The following EIF3CL variants were observed in gnomAD, a reference collection of about 807,000 sequenced individuals.
EIF3CL encodes eukaryotic translation initiation factor 3 subunit C like, also known as eukaryotic translation initiation factor 3 subunit C-like protein.
For missense variants in EIF3CL, 5 were observed against 56.1 expected (o/e 0.09, Z 2.91); for synonymous variants, 2 against 19.6 (o/e 0.10, Z 2.37).
chr16:28,412,225 G>T, the EIF3CL span, among the ~76,000 whole-genome samples: 1 of 4,970 alleles, frequency 2.0e-4, no homozygotes, highest in Non-Finnish European at 3.3e-4. Flanking sequence ...GTATAATAAT[G>T]ATATTTATAT....
At chr16:28,417,303 C>T in the EIF3CL span, among the ~76,000 whole-genome samples, 9 of 148,238 alleles carry the variant, frequency 6.1e-5, no homozygotes, top group Non-Finnish European at 7.5e-5. Flanking sequence ...GCCACCACCC[C>T]GTCTGGGAGG....
upstream of EIF3CL, among the ~76,000 whole-genome samples, chr16:28,408,204 C>CAAAAAAAAAA (rs1224629208): frequency 6.3e-5 from 3 of 47,860 alleles, no homozygotes; most frequent in African/African-American, 9.0e-5. Context: ...ACCTTGTCGC[C>CAAAAAAAAAA]AAAAAAAAAA....
the EIF3CL span, among the ~76,000 whole-genome samples, chr16:28,426,083 A>G: frequency 9.6e-6 from 1 of 104,226 alleles, no homozygotes; most frequent in Non-Finnish European, 2.0e-5. Context: ...CTCTGTCTCA[A>G]CACACACACA....
At chr16:28,418,037 C>G in the EIF3CL span, among the ~76,000 whole-genome samples, 1 of 144,696 alleles carries the variant, frequency 6.9e-6, no homozygotes, top group East Asian at 2.0e-4. Context: ...GAGTGAGACT[C>G]TGTCTCAAAA....
rs34279997 is a variant in EIF3CL, at chr16:28,403,020, TA to T, written c.101+497del. 9.6e-4 allele frequency among the ~76,000 whole-genome samples: 112 copies of T among 116,446 alleles called. 1 individual carries two copies. Among genetic ancestry groups the T allele is most frequent in the East Asian group, 2.9e-3 (10 of 3,404 alleles). The allele number at this position is 116,446 out of a possible 152,430, so 76.4% of individuals were successfully genotyped here. A position where few individuals can be genotyped will look rare whatever the true frequency, so the allele number is the denominator to read the frequency against. Reference sequence around the variant, plus strand: ...AAAACCATTCTATTGTTCCAAAGGGTAAAAAAAAAAAAATTAATGTACAGAA... The same window carrying T: ...AAAACCATTCTATTGTTCCAAAGGGTAAAAAAAAAAAATTAATGTACAGAA... On this transcript the variant is annotated intron_variant, in intron 2 of 20. Transcript: ENST00000380876.
intron 13 of EIF3CL, among the ~76,000 whole-genome samples, chr16:28,389,682 ATT>A (rs1222664801): frequency 1.7e-3 from 1 of 598 alleles, no homozygotes; most frequent in Admixed American, 0.018. Context: ...ACCACGCCTA[ATT>A]TTTTTTGTGT....
the EIF3CL span, among the ~76,000 whole-genome samples, chr16:28,416,133 C>T: frequency 6.9e-5 from 1 of 14,554 alleles, no homozygotes; most frequent in African/African-American, 3.3e-4. Flanking sequence ...CAGACGGAGT[C>T]TCGTTCACTC....
chr16:28,415,807 T>G, the EIF3CL span, among the ~76,000 whole-genome samples: 2 of 78,828 alleles, frequency 2.5e-5, 1 homozygote, highest in African/African-American at 7.5e-5. Flanking sequence ...TCCCTCTCCC[T>G]CTCCCTCTTC....
At chr16:28,418,943 T>C in the EIF3CL span, among the ~76,000 whole-genome samples, 2 of 147,912 alleles carry the variant, frequency 1.4e-5, no homozygotes, top group Admixed American at 6.8e-5. Context: ...TGCAAGTCTT[T>C]GAGGGTGGCA....
At chr16:28,414,835 G>A in the EIF3CL span, 12 of 495,704 alleles carry the variant, frequency 2.4e-5, no homozygotes, top group Middle Eastern at 6.7e-4. Context: ...GCTTCAATGC[G>A]AAGGACGCGC....
At chr16:28,416,699 C>G in the EIF3CL span, among the ~76,000 whole-genome samples, 1 of 121,000 alleles carries the variant, frequency 8.3e-6, no homozygotes, top group Non-Finnish European at 1.8e-5. Context: ...GCAGCCACCC[C>G]ATCTGGGAAG....
rs533308571 is a variant in EIF3CL, at chr16:28,385,473, C to G, written c.1822-1992G>C. 3.9e-3 allele frequency among the ~76,000 whole-genome samples: 450 copies of G among 114,956 alleles called. 80 individuals carry two copies. The highest frequency in any genetic ancestry group is 0.013 in the African/African-American group (434 of 33,308). The allele number at this position is 114,956 out of a possible 152,430, so 75.4% of individuals were successfully genotyped here. On this transcript the variant is annotated intron_variant, in intron 15 of 20. Coordinates refer to ENST00000380876, the MANE Select transcript of EIF3CL (RefSeq NM_001317857.2). ...CCTCCTGAGTAGGTGGGACTACAGG[C>G]GTGCACCACTATGCCTGACTAGTTT...
intron 2 of EIF3CL, among the ~76,000 whole-genome samples, chr16:28,403,004 C>A (rs1165537781): frequency 9.5e-6 from 1 of 105,374 alleles, no homozygotes; most frequent in Non-Finnish European, 2.2e-5. Flanking sequence ...AAAAACCATT[C>A]TATTGTTCCA....
chr16:28,414,363 A>T, the EIF3CL span: 2 of 313,956 alleles, frequency 6.4e-6, 1 homozygote, highest in African/African-American at 5.0e-5. Flanking sequence ...GCCATTGCAC[A>T]CCAGCCTGGG....
chr16:28,422,277 AC>A, the EIF3CL span, among the ~76,000 whole-genome samples: 1 of 102,874 alleles, frequency 9.7e-6, no homozygotes, highest in Non-Finnish European at 2.2e-5. Context: ...TCGCTCTGTC[AC>A]CCAGACTAGA....
At chr16:28,415,401 G>C in the EIF3CL span, among the ~76,000 whole-genome samples, 1 of 127,040 alleles carries the variant, frequency 7.9e-6, no homozygotes, top group Admixed American at 8.7e-5. Flanking sequence ...TGCTGTCTGT[G>C]TCTTCTATTT....
the EIF3CL span, among the ~76,000 whole-genome samples, chr16:28,419,476 G>A: frequency 7.1e-6 from 1 of 140,204 alleles, no homozygotes; most frequent in South Asian, 2.3e-4. Flanking sequence ...CCACAGGGTG[G>A]GACCATAGAT....
At chr16:28,417,862 T>C in the EIF3CL span, among the ~76,000 whole-genome samples, 3 of 135,872 alleles carry the variant, frequency 2.2e-5, no homozygotes, top group Non-Finnish European at 4.7e-5. Flanking sequence ...AAGTTTGCAC[T>C]TTAGGAATGC....
At chr16:28,417,827 TAAA>T in the EIF3CL span, among the ~76,000 whole-genome samples, 38 of 104,282 alleles carry the variant, frequency 3.6e-4, no homozygotes, top group East Asian at 8.9e-4. Flanking sequence ...AAAATAAATT[TAAA>T]AAAAAAAAAA....
Sources: gnomAD v4.1 joint callset for allele counts (sites outside exome capture counted in the v4.1 genomes callset) on GRCh38, gnomAD v4.1.1 for gene constraint, MANE v1.5 for transcripts, NCBI Gene and HGNC (gene_info 2026-07-23, HGNC 2026-07-21) for gene names.